CACNA1E: variants seen among roughly 807,000 people sequenced by gnomAD.
CACNA1E encodes the protein voltage-dependent R-type calcium channel subunit alpha-1E.
CACNA1E carries 40 observed loss-of-function variants against 259.2 expected under a neutral mutation model. The ratio of observed to expected loss-of-function variants is 0.15; its 90% confidence interval spans 0.12 to 0.20. CACNA1E has a LOEUF of 0.20. CACNA1E is among the 10% of genes least tolerant of loss of function. CACNA1E has a pLI of 1.00. For missense variants in CACNA1E, 1,874 were observed against 3,040.1 expected, an observed-to-expected ratio of 0.62 and a Z score of 9.02; for synonymous variants, 1,104 against 1,138.5, an observed-to-expected ratio of 0.97 and a Z score of 0.61.
chr1:181,663,094 C>T (rs1647851174), intron 7 of CACNA1E, among the ~76,000 whole-genome samples: 1 of 152,218 alleles, frequency 6.6e-6, no homozygotes, highest in African/African-American at 2.4e-5. Context: ...GTTCCCATAG[C>T]ACTATATGCC....
At chr1:181,721,044 C>T (rs994056154) in intron 15 of CACNA1E, among the ~76,000 whole-genome samples, 189 bp downstream of exon 15, 1 of 152,180 alleles carries the variant, frequency 6.6e-6, no homozygotes, top group Non-Finnish European at 1.5e-5. Flanking sequence ...TTTGTTCTTA[C>T]CAATAGTAAG....
intron 2 of CACNA1E, among the ~76,000 whole-genome samples, chr1:181,443,763 G>A (rs1233699763): frequency 1.3e-5 from 2 of 152,140 alleles, no homozygotes; most frequent in African/African-American, 2.4e-5. Context: ...TTGATCCCAG[G>A]TCCGTCAAAC....
chr1:181,322,033 C>G (rs1650392149), intron 1 of CACNA1E, among the ~76,000 whole-genome samples: 1 of 152,012 alleles, frequency 6.6e-6, no homozygotes, highest in African/African-American at 2.4e-5. Context: ...GGCTTATGGA[C>G]AGGAGTTAGA....
chr1:181,508,035 T>C (rs1665854284), intron 1 of CACNA1E, among the ~76,000 whole-genome samples: 1 of 152,092 alleles, frequency 6.6e-6, no homozygotes, highest in Non-Finnish European at 1.5e-5. Context: ...CCCCACTTTG[T>C]GTCAGGCTGC....
chr1:181,571,736 A>G (rs568891567), intron 3 of CACNA1E, among the ~76,000 whole-genome samples: 1 of 152,238 alleles, frequency 6.6e-6, no homozygotes, highest in East Asian at 1.9e-4. Flanking sequence ...TCTTTCAAAA[A>G]CTTAACAAGG....
rs766369669 is a variant in CACNA1E at position 181,755,939 on chromosome 1, T to TTCTGC, written c.3990-12_3990-8dup. ...CTATAGTGAGGAGGCTCTCTTTCAT[T>TTCTGC]TCTGCTCTGGTTTTAGAGGCAACTA... On this transcript the variant is annotated splice_polypyrimidine_tract_variant and intron_variant, in intron 28 of 47. Transcript: ENST00000367573. 3.1e-6 allele frequency: 5 copies of TTCTGC among 1,610,866 alleles called. No individual in the cohort carries two copies. The Admixed American group carries it at 8.4e-5, about 27-fold the overall frequency.
intron 2 of CACNA1E, among the ~76,000 whole-genome samples, chr1:181,452,230 G>A (rs1661201150): frequency 6.6e-6 from 1 of 152,212 alleles, no homozygotes; most frequent in Admixed American, 6.5e-5. Flanking sequence ...ACTAGGAAGG[G>A]TTCTTAGTAA....
intron 33 of CACNA1E, among the ~76,000 whole-genome samples, chr1:181,762,997 T>C (rs1321944795): frequency 6.6e-6 from 1 of 152,224 alleles, no homozygotes; most frequent in East Asian, 1.9e-4. Context: ...CACAGACCTG[T>C]ATTTTTTCCA....
chr1:181,668,779 C>T (rs182670090), intron 7 of CACNA1E: 2 of 152,210 alleles, frequency 1.3e-5, no homozygotes, highest in African/African-American at 4.8e-5. Context: ...CCTGTAATCC[C>T]AGCACTTTGA....
At chr1:181,778,314 C>G (rs1297344486) in intron 38 of CACNA1E, among the ~76,000 whole-genome samples, 1 of 152,160 alleles carries the variant, frequency 6.6e-6, no homozygotes. Context: ...AATGAAAGGA[C>G]AACTGGCTAA....
At chr1:181,494,996 T>C (rs527440356) in intron 1 of CACNA1E, among the ~76,000 whole-genome samples, 56 of 152,248 alleles carry the variant, frequency 3.7e-4, no homozygotes, top group Non-Finnish European at 6.9e-4. Flanking sequence ...CGCGATATTC[T>C]TGTCACATGC....
At chr1:181,492,425 C>G (rs1214912520) in intron 1 of CACNA1E, among the ~76,000 whole-genome samples, 1 of 152,190 alleles carries the variant, frequency 6.6e-6, no homozygotes, top group Admixed American at 6.5e-5. Flanking sequence ...GTGTTCTTCT[C>G]CAGCTGTACC....
chr1:181,720,364 A>G, intron 14 of CACNA1E, 27 bp downstream of exon 14: 3 of 1,604,718 alleles, frequency 1.9e-6, no homozygotes, highest in Non-Finnish European at 2.6e-6. Context: ...TTTCCATCCA[A>G]AGGAGGCTCA....
chr1:181,395,487 C>T (rs1381698121), intron 1 of CACNA1E, among the ~76,000 whole-genome samples: 2 of 152,136 alleles, frequency 1.3e-5, no homozygotes, highest in Admixed American at 6.5e-5. Flanking sequence ...GAGTTGACAA[C>T]ATATATGGTA....
intron 1 of CACNA1E, among the ~76,000 whole-genome samples, chr1:181,369,547 G>A (rs1654531607): frequency 6.6e-6 from 1 of 152,224 alleles, no homozygotes; most frequent in African/African-American, 2.4e-5. Context: ...CAAAGGTGGG[G>A]ACCGCATACC....
At chr1:181,662,778 G>A (rs1480248114) in intron 7 of CACNA1E, among the ~76,000 whole-genome samples, 1 of 152,144 alleles carries the variant, frequency 6.6e-6, no homozygotes, top group Admixed American at 6.5e-5. Flanking sequence ...GAGCTCAGAT[G>A]TTTTCAGATA....
rs1571606206 is a variant in CACNA1E at position 181,340,230 on chromosome 1, G to T, written c.-15+22107G>T. On this transcript the variant is annotated intron_variant, in intron 1 of 11. Coordinates refer to the CACNA1E transcript ENST00000524607. ...TTGAATTATTCATCTCTTCCTCAGT[G>T]ATCTCAAATTTAATATTTCTTATAG... is the stretch of plus-strand genomic sequence containing the variant. Among the ~76,000 whole-genome samples the T allele has an allele frequency of 3.3e-5, 5 of 151,902 alleles. 1 individual carries two copies. The East Asian group carries it at 9.7e-4, about 29-fold the overall frequency.
At chr1:181,328,456 T>C (rs1257066468) in intron 1 of CACNA1E, among the ~76,000 whole-genome samples, 1 of 152,184 alleles carries the variant, frequency 6.6e-6, no homozygotes, top group Non-Finnish European at 1.5e-5. Flanking sequence ...TGAGCAAGCC[T>C]TTTTCAGTTC....
At chr1:181,714,469 T>C (rs1394111511) in intron 8 of CACNA1E, among the ~76,000 whole-genome samples, 1 of 152,102 alleles carries the variant, frequency 6.6e-6, no homozygotes, top group Non-Finnish European at 1.5e-5. Flanking sequence ...CATCATTACA[T>C]AGGCATGCTC....
Sources: gnomAD v4.1 joint callset for allele counts (sites outside exome capture counted in the v4.1 genomes callset) on GRCh38, gnomAD v4.1.1 for gene constraint, MANE v1.5 for transcripts, NCBI Gene and HGNC (gene_info 2026-07-23, HGNC 2026-07-21) for gene names.